Variants in LINGO2 observed in about 807,000 individuals in gnomAD.
LINGO2 encodes the protein leucine rich repeat and Ig domain containing 2.
LINGO2 carries 14 observed loss-of-function variants against 30.6 expected under a neutral mutation model. The observed-to-expected ratio is 0.46, with a 90% CI of 0.30 to 0.72. LINGO2 has a LOEUF of 0.72. LINGO2 is among the 30% of genes least tolerant of loss of function. The pLI is 0.07. For missense variants in LINGO2, 729 were observed against 751.7 expected (o/e 0.97, Z 0.35); for synonymous variants, 317 against 288.5 (o/e 1.10, Z -1.00).
At chr9:28,061,094 TG>T (rs904836130) in intron 4 of LINGO2, among the ~76,000 whole-genome samples, 19 of 151,774 alleles carry the variant, frequency 1.3e-4, no homozygotes, top group African/African-American at 4.6e-4. Flanking sequence ...TTATTTGTTA[TG>T]GTTATTTTTC....
At chr9:27,978,428 G>C (rs528654175) in intron 5 of LINGO2, among the ~76,000 whole-genome samples, 2 of 152,114 alleles carry the variant, frequency 1.3e-5, no homozygotes, top group South Asian at 2.1e-4. Flanking sequence ...TAGAACCTTC[G>C]AGAAGTGTTT....
chr9:27,990,447 T>A (rs1467133200), intron 5 of LINGO2, among the ~76,000 whole-genome samples: 1 of 135,262 alleles, frequency 7.4e-6, no homozygotes, highest in Non-Finnish European at 1.6e-5. Flanking sequence ...AAAGCATCAC[T>A]TCAGTGGTCT....
intron 3 of LINGO2, among the ~76,000 whole-genome samples, chr9:28,312,068 G>C (rs138718201): frequency 1.1e-4 from 16 of 152,014 alleles, no homozygotes; most frequent in Non-Finnish European, 1.5e-4. Flanking sequence ...AACAAGTAAG[G>C]CTTCTTCTGA....
chr9:29,172,096 T>C, the LINGO2 span, among the ~76,000 whole-genome samples: 1 of 151,972 alleles, frequency 6.6e-6, no homozygotes, highest in African/African-American at 2.4e-5. Context: ...GGACTATGTC[T>C]AAACTCATTA....
At chr9:28,407,177 C>T (rs1822547344) in intron 2 of LINGO2, among the ~76,000 whole-genome samples, 1 of 141,020 alleles carries the variant, frequency 7.1e-6, no homozygotes, top group African/African-American at 2.6e-5. Flanking sequence ...GAAGGAAGGA[C>T]ATAAGAAAGG....
intron 4 of LINGO2, among the ~76,000 whole-genome samples, chr9:28,104,931 CAA>C (rs1159038067): frequency 6.6e-6 from 1 of 152,090 alleles, no homozygotes; most frequent in African/African-American, 2.4e-5. Context: ...AATGTGCTAA[CAA>C]GAGAGTTTCA....
At chr9:28,270,434 C>A (rs1289485916) in intron 4 of LINGO2, among the ~76,000 whole-genome samples, 1 of 151,922 alleles carries the variant, frequency 6.6e-6, no homozygotes, top group Admixed American at 6.6e-5. Context: ...CTAAAGCCAC[C>A]AGGAGAGCTA....
intron 5 of LINGO2, among the ~76,000 whole-genome samples, chr9:27,987,529 C>G (rs539889408): frequency 5.9e-5 from 9 of 151,972 alleles, no homozygotes; most frequent in Admixed American, 3.9e-4. Flanking sequence ...AAGACAATAG[C>G]TCTAGATCAC....
chr9:29,105,586 C>T, the LINGO2 span, among the ~76,000 whole-genome samples: 34 of 152,232 alleles, frequency 2.2e-4, 1 homozygote, highest in East Asian at 6.6e-3. Flanking sequence ...ATGGGAAGGA[C>T]CTGTGATGAT....
At chr9:28,104,756 G>A (rs1396149648) in intron 4 of LINGO2, among the ~76,000 whole-genome samples, 1 of 151,876 alleles carries the variant, frequency 6.6e-6, no homozygotes, top group African/African-American at 2.4e-5. Context: ...ACACTGATGT[G>A]CTTTCTTCTT....
At chr9:29,040,824 C>T in the LINGO2 span, among the ~76,000 whole-genome samples, 2 of 151,662 alleles carry the variant, frequency 1.3e-5, no homozygotes, top group South Asian at 2.1e-4. Flanking sequence ...ATAATAGAGC[C>T]ATATGGGTAA....
intron 3 of LINGO2, among the ~76,000 whole-genome samples, chr9:28,350,459 A>C (rs1007521397): frequency 6.0e-5 from 9 of 149,972 alleles, no homozygotes; most frequent in Middle Eastern, 3.4e-3. Context: ...ACTATCCTAA[A>C]TATATATGCA....
chr9:29,114,427 T>C, the LINGO2 span, among the ~76,000 whole-genome samples: 1 of 148,646 alleles, frequency 6.7e-6, no homozygotes, highest in Non-Finnish European at 1.5e-5. Flanking sequence ...TTATACTTTA[T>C]GTTTTAGGAT....
intron 1 of LINGO2, among the ~76,000 whole-genome samples, chr9:28,504,902 A>C (rs1820045754): frequency 6.6e-6 from 1 of 151,860 alleles, no homozygotes; most frequent in African/African-American, 2.4e-5. Flanking sequence ...GGAACCATGG[A>C]TTGAAATGAT....
chr9:28,986,551 A>T, the LINGO2 span, among the ~76,000 whole-genome samples: 1 of 151,996 alleles, frequency 6.6e-6, no homozygotes, highest in Non-Finnish European at 1.5e-5. Flanking sequence ...AGTTTCTTTC[A>T]TCAATGTTTT....
chr9:29,085,281 TAA>T, the LINGO2 span, among the ~76,000 whole-genome samples: 48 of 77,034 alleles, frequency 6.2e-4, no homozygotes, highest in African/African-American at 1.9e-3. Flanking sequence ...CTATGGTAAG[TAA>T]AAAAAAAAAA....
chr9:28,774,665 T>C, the LINGO2 span, among the ~76,000 whole-genome samples: 4 of 152,164 alleles, frequency 2.6e-5, no homozygotes, highest in Non-Finnish European at 5.9e-5. Flanking sequence ...ATACAGTGAC[T>C]GCACTTCTAA....
At chr9:29,145,267 G>C in the LINGO2 span, among the ~76,000 whole-genome samples, 24,209 of 152,094 alleles carry the variant, frequency 0.16, 2,036 homozygotes, top group East Asian at 0.34. Context: ...TCCAGGTGTA[G>C]AGATGGAAGT....
chr9:28,013,402 C>T lies in LINGO2; in HGVS notation c.-86-997G>A, dbSNP rs115864118. Among the ~76,000 whole-genome samples the T allele has an allele frequency of 4.1e-3, 625 of 152,326 alleles. 3 individuals are homozygous for T. Among genetic ancestry groups the T allele is most frequent in the African/African-American group, 0.014 (583 of 41,572 alleles). On this transcript the variant is annotated intron_variant, in intron 4 of 5. Transcript: ENST00000379992. Reference sequence around the variant, plus strand: ...AAGGTAAAAGGAATCTGCTTATCTGCTGTACTCAGGGAAAAATCTCGTTGA... The same window carrying T: ...AAGGTAAAAGGAATCTGCTTATCTGTTGTACTCAGGGAAAAATCTCGTTGA...
Sources: gnomAD v4.1 joint callset for allele counts (sites outside exome capture counted in the v4.1 genomes callset) on GRCh38, gnomAD v4.1.1 for gene constraint, MANE v1.5 for transcripts, NCBI Gene and HGNC (gene_info 2026-07-23, HGNC 2026-07-21) for gene names.